Variants in LIPI observed in about 807,000 individuals in gnomAD.
LIPI encodes lipase I.
LIPI carries 59 observed loss-of-function variants against 50.6 expected under a neutral mutation model. That is an observed-to-expected ratio of 1.16 (90% CI 0.94 to 1.45). The LOEUF (loss-of-function observed/expected upper bound fraction) is 1.45. LIPI is among the 40% of genes most tolerant of loss of function. LIPI has a pLI of 0.00. For missense variants in LIPI, 586 were observed against 536.3 expected, an observed-to-expected ratio of 1.09 and a Z score of -0.92; for synonymous variants, 203 against 178.2, an observed-to-expected ratio of 1.14 and a Z score of -1.11.
At chr21:14,144,941 A>G in intron 8 of LIPI, 142 bp from the exon 9 acceptor site, 1 of 552,138 alleles carries the variant, frequency 1.8e-6, no homozygotes, top group South Asian at 2.8e-5. Context: ...TGCAGTATTT[A>G]TTAAAATAAT....
At chr21:14,176,406 A>G (rs1369879736) in intron 4 of LIPI, among the ~76,000 whole-genome samples, 1 of 151,894 alleles carries the variant, frequency 6.6e-6, no homozygotes, top group Non-Finnish European at 1.5e-5. Flanking sequence ...ATTGATTTTC[A>G]GCCTTTTAAA....
At chr21:14,197,649 T>C (rs984332886) in intron 1 of LIPI, among the ~76,000 whole-genome samples, 1 of 152,038 alleles carries the variant, frequency 6.6e-6, no homozygotes, top group African/African-American at 2.4e-5. Context: ...GACTCACTGG[T>C]GTACCTGAAA....
intron 9 of LIPI, among the ~76,000 whole-genome samples, chr21:14,134,269 C>T (rs1291160601): frequency 6.6e-6 from 1 of 151,918 alleles, no homozygotes; most frequent in East Asian, 1.9e-4. Context: ...AGGATAACAA[C>T]AAATTACTGA....
chr21:14,210,311 C>T (rs962849987), intron 1 of LIPI, among the ~76,000 whole-genome samples: 1 of 152,030 alleles, frequency 6.6e-6, no homozygotes, highest in African/African-American at 2.4e-5. Context: ...CATAAACCAG[C>T]TTTGTTTTTC....
chr21:14,110,995 AATCTT>A (rs1206548957), intron 9 of LIPI, among the ~76,000 whole-genome samples: 1 of 149,506 alleles, frequency 6.7e-6, no homozygotes, highest in African/African-American at 2.4e-5. Context: ...CCACTATTGA[AATCTT>A]AGTTTTATTT....
intron 8 of LIPI, among the ~76,000 whole-genome samples, chr21:14,148,153 TA>T (rs200642811): frequency 6.6e-6 from 1 of 151,728 alleles, no homozygotes; most frequent in Admixed American, 6.6e-5. Context: ...TTTTGCTAAA[TA>T]AAAAAAATCA....
At chr21:14,181,381 T>C (rs760390399) in intron 4 of LIPI, among the ~76,000 whole-genome samples, 9 of 152,130 alleles carry the variant, frequency 5.9e-5, no homozygotes, top group Non-Finnish European at 7.4e-5. Flanking sequence ...ATATATATCA[T>C]AGCAAGAAAA....
intron 9 of LIPI, among the ~76,000 whole-genome samples, chr21:14,130,484 C>T (rs567342269): frequency 6.6e-6 from 1 of 152,302 alleles, no homozygotes; most frequent in Admixed American, 6.5e-5. Context: ...CTCTGTATAT[C>T]TAGGATAATA....
chr21:14,147,143 T>C (rs187099722), intron 8 of LIPI, among the ~76,000 whole-genome samples: 3 of 152,224 alleles, frequency 2.0e-5, no homozygotes, highest in African/African-American at 7.2e-5. Context: ...TTCTCTATGC[T>C]TCAGATTTTC....
intron 8 of LIPI, among the ~76,000 whole-genome samples, chr21:14,150,542 G>C (rs2018053111): frequency 6.6e-6 from 1 of 152,096 alleles, no homozygotes; most frequent in African/African-American, 2.4e-5. Flanking sequence ...CCATTATTTT[G>C]AGAAATGCCT....
chr21:14,152,077 T>TTA (rs2018113118), intron 8 of LIPI, among the ~76,000 whole-genome samples: 1 of 124,650 alleles, frequency 8.0e-6, no homozygotes, highest in African/African-American at 3.2e-5. Flanking sequence ...CTTATTTTAT[T>TTA]TATTTATTTA....
intron 4 of LIPI, among the ~76,000 whole-genome samples, chr21:14,177,192 T>C (rs2019127058): frequency 6.6e-6 from 1 of 152,150 alleles, no homozygotes; most frequent in Admixed American, 6.5e-5. Flanking sequence ...TTCAAAGTTT[T>C]ATTATTTTAA....
intron 3 of LIPI, among the ~76,000 whole-genome samples, chr21:14,184,070 C>G (rs1485529393): frequency 1.3e-5 from 2 of 152,092 alleles, no homozygotes; most frequent in Non-Finnish European, 2.9e-5. Context: ...AGACTTGGAA[C>G]CAACCTAAAT....
chr21:14,180,246 C>T (rs747315183), intron 4 of LIPI, among the ~76,000 whole-genome samples: 2 of 152,168 alleles, frequency 1.3e-5, no homozygotes, highest in Non-Finnish European at 2.9e-5. Context: ...TTTATCAAGA[C>T]AATACATGCA....
At chr21:14,178,754 A>G (rs2123229723) in intron 4 of LIPI, among the ~76,000 whole-genome samples, 1 of 152,108 alleles carries the variant, frequency 6.6e-6, no homozygotes, top group South Asian at 2.1e-4. Context: ...TTTCTCATTC[A>G]CGCTGTCTTG....
At chr21:14,156,885 T>C (rs77602229) in intron 7 of LIPI, among the ~76,000 whole-genome samples, 6,144 of 151,934 alleles carry the variant, frequency 0.04, 377 homozygotes, top group East Asian at 0.32. Context: ...GTGAGAAATA[T>C]GGATGTCTAA....
At chr21:14,164,769 T>C (rs1199901407) in intron 6 of LIPI, among the ~76,000 whole-genome samples, 1 of 152,196 alleles carries the variant, frequency 6.6e-6, no homozygotes, top group Non-Finnish European at 1.5e-5. Flanking sequence ...ATTTAGAAGG[T>C]ATGAACCATG....
intron 9 of LIPI, among the ~76,000 whole-genome samples, chr21:14,130,268 A>T (rs1406804173): frequency 6.6e-6 from 1 of 152,140 alleles, no homozygotes; most frequent in Admixed American, 6.5e-5. Context: ...TGAACCCTGG[A>T]TGCGGAAGTT....
At chr21:14,202,345 A>G (rs1222332864) in intron 1 of LIPI, among the ~76,000 whole-genome samples, 1 of 152,196 alleles carries the variant, frequency 6.6e-6, no homozygotes, top group Non-Finnish European at 1.5e-5. Context: ...TAAAGTTCAT[A>G]TGGAACCAAT....
Sources: allele counts gnomAD v4.1 joint callset (sites outside exome capture counted in the v4.1 genomes callset), GRCh38; gene constraint gnomAD v4.1.1; transcripts MANE v1.5; gene names NCBI Gene and HGNC (gene_info 2026-07-23, HGNC 2026-07-21).